Variants in KCNQ1 observed in about 807,000 individuals in gnomAD.
The protein encoded by KCNQ1 is potassium voltage-gated channel subfamily Q member 1.
KCNQ1 carries 49 observed loss-of-function variants against 72.4 expected under a neutral mutation model. The observed-to-expected ratio is 0.68, with a 90% confidence interval of 0.54 to 0.86. The LOEUF (loss-of-function observed/expected upper bound fraction) is 0.86. Ranked by LOEUF, KCNQ1 falls within the 40% of genes least tolerant of loss-of-function variation. The pLI is 0.00. For synonymous variants in KCNQ1, 450 were observed against 412.6 expected (o/e 1.09, Z -1.10); for missense variants, 790 against 945.1 (o/e 0.84, Z 2.15).
chr11:2,621,176 C>T lies in KCNQ1; in HGVS notation c.1393+32322C>T. 2.5e-6 allele frequency: 1 copy of T among 397,430 alleles called. No homozygotes were observed. The allele number at this position is 397,430 out of a possible 1,614,324, so 24.6% of individuals were successfully genotyped here. On this transcript the variant is annotated intron_variant, in intron 10 of 15. Coordinates refer to ENST00000155840, the MANE Select transcript of KCNQ1 (RefSeq NM_000218.3). This position sits in a 1 kb window ranked among gnomAD's most constrained non-coding sequence, Gnocchi z 5.7. ...TGTTTTTAGTAGAGACGGGGTTTCA[C>T]CATGTTGGCCAGGATGGTCTCGAAT...
Position 2,662,852 on chromosome 11 carries a change from T to C in KCNQ1, c.1514+771T>C, listed in dbSNP as rs564802972. ...GAGGGTCACTTGTGGAAACTCTCCT[T>C]CTCTCTACCAACATTTTTCTAAAGG... On this transcript the variant is annotated intron_variant, in intron 11 of 15. Transcript: ENST00000155840. 2.5e-5 allele frequency: 10 copies of C among 398,796 alleles called. No individual in the cohort carries two copies. In the South Asian group the frequency reaches 1.1e-3, roughly 46 times the overall value. 24.7% of individuals were successfully genotyped at this position (398,796 alleles called of 1,614,324 possible). A position where few individuals can be genotyped will look rare whatever the true frequency, so the allele number is the denominator to read the frequency against.
chr11:2,667,282 A>G (rs1050439681), intron 11 of KCNQ1: 4 of 398,468 alleles, frequency 1.0e-5, no homozygotes, highest in Non-Finnish European at 1.3e-5. Context: ...GGCTGCTGCT[A>G]TGGGGAGAGG....
intron 1 of KCNQ1, among the ~76,000 whole-genome samples, chr11:2,496,110 T>A (rs12574553): frequency 4.3e-4 from 65 of 151,988 alleles, no homozygotes; most frequent in African/African-American, 1.4e-3. Context: ...TGTCTTTTTT[T>A]ATCTTTCTTA....
At chr11:2,718,292 T>A (rs949467110) in intron 11 of KCNQ1, among the ~76,000 whole-genome samples, 3 of 152,126 alleles carry the variant, frequency 2.0e-5, no homozygotes, top group African/African-American at 7.2e-5. Flanking sequence ...CCCCCACACT[T>A]AGGGTGCCTC....
intron 1 of KCNQ1, among the ~76,000 whole-genome samples, chr11:2,519,910 G>A (rs1183562898): frequency 6.6e-6 from 1 of 152,180 alleles, no homozygotes; most frequent in Non-Finnish European, 1.5e-5. Context: ...CCAGTGACAC[G>A]TGTCCTCCTA....
Position 2,668,146 on chromosome 11 carries a change from G to A in KCNQ1, c.1514+6065G>A. ...GGCAGCCTCTCTATGGGGCTGAAGG[G>A]AGAGTGCTCCCTCATGCTCCTTGCT... On this transcript the variant is annotated intron_variant, in intron 11 of 15. Transcript: ENST00000155840. The surrounding 1 kb of genome is among the most constrained non-coding windows in gnomAD (Gnocchi z 4.3). 2.5e-6 allele frequency: 1 copy of A among 398,646 alleles called. No homozygotes were observed. The highest frequency in any genetic ancestry group is 6.3e-4 in the Middle Eastern group (1 of 1,588). 24.7% of individuals were successfully genotyped at this position (398,646 alleles called of 1,614,324 possible).
In KCNQ1 at chr11:2,658,691, T is replaced by C. The variant is rs775712622; in HGVS notation, c.1394-3270T>C. 1.3e-5 allele frequency: 5 copies of C among 398,460 alleles called. No individual in the cohort carries two copies. Among genetic ancestry groups the C allele is most frequent in the Admixed American group, 4.4e-5 (1 of 22,720 alleles). 24.7% of individuals were successfully genotyped at this position (398,460 alleles called of 1,614,324 possible). ...TCTCAGTGGACAGAGCTAGGAAATATATGTATGTATGTAACCTGAGTACAC... is the reference window on the plus strand; with the variant it reads ...TCTCAGTGGACAGAGCTAGGAAATACATGTATGTATGTAACCTGAGTACAC... On this transcript the variant is annotated intron_variant, in intron 10 of 15. Coordinates refer to ENST00000155840, the MANE Select transcript of KCNQ1 (RefSeq NM_000218.3). This position sits in a 1 kb window ranked among gnomAD's most constrained non-coding sequence, Gnocchi z 4.9.
intron 15 of KCNQ1, among the ~76,000 whole-genome samples, chr11:2,779,344 G>A (rs888615623): frequency 2.6e-5 from 4 of 152,180 alleles, no homozygotes; most frequent in Admixed American, 6.5e-5. Flanking sequence ...GGCACACCCA[G>A]TACAGCAGGG....
rs1047330565 is a variant in KCNQ1, at chr11:2,566,800, C to A, written c.478-3828C>A. On this transcript the variant is annotated intron_variant, in intron 2 of 15. Transcript: ENST00000155840. This position sits in a 1 kb window ranked among gnomAD's most constrained non-coding sequence, Gnocchi z 6.7. Reference sequence around the variant, plus strand: ...CACCACATAGATCTTGTGAGAGGCGCTTTGTGGGGCTGGATGATCCTGGGT... The same window carrying A: ...CACCACATAGATCTTGTGAGAGGCGATTTGTGGGGCTGGATGATCCTGGGT... Among the ~76,000 whole-genome samples the A allele has an allele frequency of 3.3e-5, 5 of 152,134 alleles. No homozygotes were observed. Among genetic ancestry groups the A allele is most frequent in the African/African-American group, 1.2e-4 (5 of 41,422 alleles).
Position 2,735,359 on chromosome 11 carries a change from C to T in KCNQ1, c.1515-33485C>T, listed in dbSNP as rs770688483. Among the ~76,000 whole-genome samples, 7 of 151,992 alleles carry T rather than the reference C, an allele frequency of 4.6e-5. No individual in the cohort carries two copies. The highest frequency in any genetic ancestry group is 1.0e-4 in the Non-Finnish European group (7 of 67,954). On this transcript the variant is annotated intron_variant, in intron 11 of 15. Transcript: ENST00000155840. This position sits in a 1 kb window ranked among gnomAD's most constrained non-coding sequence, Gnocchi z 7.7. ...GAGGCCCTGCCCGGTGGAGGGTGGG[C>T]CATGGCCGCCCCCACCTCCCCTCCC... is the stretch of plus-strand genomic sequence containing the variant.
rs1037331430 is a variant in KCNQ1 at position 2,447,844 on chromosome 11, A to G, written c.386+2360A>G. The stretch of plus-strand genomic sequence containing the variant: ...GGAGCCGGTGTTCCGCTGACCCTAC[A>G]GGGCTAGGGCGAACTCTCCTGTGTG... On this transcript the variant is annotated intron_variant, in intron 1 of 15. Coordinates refer to ENST00000155840, the MANE Select transcript of KCNQ1 (RefSeq NM_000218.3). The surrounding 1 kb of genome is among the most constrained non-coding windows in gnomAD (Gnocchi z 7.6). Among the ~76,000 whole-genome samples the G allele has an allele frequency of 1.3e-5, 2 of 152,166 alleles. No individual in the cohort carries two copies. The highest frequency in any genetic ancestry group is 2.9e-5 in the Non-Finnish European group (2 of 68,008).
chr11:2,739,096 T>A (rs755679995), intron 11 of KCNQ1, among the ~76,000 whole-genome samples: 42 of 152,144 alleles, frequency 2.8e-4, no homozygotes, highest in Non-Finnish European at 5.9e-4. Flanking sequence ...GGGACTGACA[T>A]CCCCTGTCCT....
rs1850578172 is a variant in KCNQ1 at position 2,690,955 on chromosome 11, C to T, written c.1514+28874C>T. On this transcript the variant is annotated intron_variant, in intron 11 of 15. Transcript: ENST00000155840. The surrounding 1 kb of genome is among the most constrained non-coding windows in gnomAD (Gnocchi z 5.1). ...CAACCTGAAAGGTTCATTTGGGAGTCACGGGTATGTGTCAACAAAAGCCCA... is the reference window on the plus strand; with the variant it reads ...CAACCTGAAAGGTTCATTTGGGAGTTACGGGTATGTGTCAACAAAAGCCCA... 2.5e-6 allele frequency: 1 copy of T among 398,614 alleles called. No individual in the cohort carries two copies. Among genetic ancestry groups the T allele is most frequent in the Non-Finnish European group, 4.4e-6 (1 of 226,070 alleles). The allele number at this position is 398,614 out of a possible 1,614,324, so 24.7% of individuals were successfully genotyped here. A position where few individuals can be genotyped will look rare whatever the true frequency, so the allele number is the denominator to read the frequency against.
At position 2,687,073 on chromosome 11, in the gene KCNQ1, C is replaced by G. The variant is rs1044380280; in HGVS notation, c.1514+24992C>G. On this transcript the variant is annotated intron_variant, in intron 11 of 15. Coordinates refer to ENST00000155840, the MANE Select transcript of KCNQ1 (RefSeq NM_000218.3). The surrounding 1 kb of genome is among the most constrained non-coding windows in gnomAD (Gnocchi z 5.0). ...GGGGACAAGGACCCACAAAGTGATG[C>G]AAGATATCCTGAGTTGGGTGTGACA... 10 of 398,536 alleles carry G rather than the reference C, an allele frequency of 2.5e-5. No homozygotes were observed. The highest frequency in any genetic ancestry group is 2.1e-4 in the African/African-American group (10 of 48,626). The allele number at this position is 398,536 out of a possible 1,614,324, so 24.7% of individuals were successfully genotyped here. A position where few individuals can be genotyped will look rare whatever the true frequency, so the allele number is the denominator to read the frequency against.
chr11:2,769,458 G>A lies in KCNQ1; in HGVS notation c.1590+539G>A, dbSNP rs1195610372. On this transcript the variant is annotated intron_variant, in intron 12 of 15. Coordinates refer to ENST00000155840, the MANE Select transcript of KCNQ1 (RefSeq NM_000218.3). This position sits in a 1 kb window ranked among gnomAD's most constrained non-coding sequence, Gnocchi z 4.6. ...GGGGTCCCCTTGGCCAGGTGAGGCT[G>A]GAGCTCCAGGGCTTCCATAAGCTGC... 3.3e-5 allele frequency among the ~76,000 whole-genome samples: 5 copies of A among 152,198 alleles called. No homozygotes were observed. The highest frequency in any genetic ancestry group is 9.6e-5 in the African/African-American group (4 of 41,460).
At chr11:2,699,876 G>T in intron 11 of KCNQ1, 2 of 395,862 alleles carry the variant, frequency 5.1e-6, no homozygotes, top group Non-Finnish European at 4.4e-6. Flanking sequence ...GTGCTGAGGA[G>T]CCCCGGGGAG....
In KCNQ1 at chr11:2,541,365, C is replaced by T. The variant is rs556967735; in HGVS notation, c.477+13347C>T. Among the ~76,000 whole-genome samples the T allele has an allele frequency of 6.6e-6, 1 of 152,196 alleles. No individual in the cohort carries two copies. Among genetic ancestry groups the T allele is most frequent in the Non-Finnish European group, 1.5e-5 (1 of 68,042 alleles). ...GGGAACCTGGGGGAAGGGCGGGCGT[C>T]TTTATTTCATTTTAGCTTTCTTTAG... On this transcript the variant is annotated intron_variant, in intron 2 of 15. Coordinates refer to ENST00000155840, the MANE Select transcript of KCNQ1 (RefSeq NM_000218.3). The surrounding 1 kb of genome is among the most constrained non-coding windows in gnomAD (Gnocchi z 4.8).
rs890286644 is a variant in KCNQ1 at position 2,563,788 on chromosome 11, C to T, written c.478-6840C>T. On this transcript the variant is annotated intron_variant, in intron 2 of 15. Transcript: ENST00000155840. This position sits in a 1 kb window ranked among gnomAD's most constrained non-coding sequence, Gnocchi z 7.4. Reference sequence around the variant, plus strand: ...TTTCCACCCAGGGCCCTTTGCACTGCCTGCTATTTGTTTTCTGTCTTCATC... The same window carrying T: ...TTTCCACCCAGGGCCCTTTGCACTGTCTGCTATTTGTTTTCTGTCTTCATC... Among the ~76,000 whole-genome samples, 1 of 152,222 alleles carries T rather than the reference C, an allele frequency of 6.6e-6. No individual in the cohort carries two copies. Among genetic ancestry groups the T allele is most frequent in the Non-Finnish European group, 1.5e-5 (1 of 68,036 alleles).
chr11:2,738,457 G>A (rs888455531), intron 11 of KCNQ1, among the ~76,000 whole-genome samples: 7 of 152,228 alleles, frequency 4.6e-5, no homozygotes, highest in African/African-American at 9.6e-5. Flanking sequence ...TAGCGTGTGT[G>A]ACAAGGGAAT....
Sources: gnomAD v4.1 joint callset for allele counts (sites outside exome capture counted in the v4.1 genomes callset) on GRCh38, gnomAD v4.1.1 for gene constraint, Gnocchi (gnomAD v3.1) non-coding constraint, MANE v1.5 for transcripts, NCBI Gene and HGNC (gene_info 2026-07-23, HGNC 2026-07-21) for gene names.